The following PTPRE variants were observed in gnomAD, a reference collection of about 807,000 sequenced individuals.
PTPRE encodes protein tyrosine phosphatase receptor type E.
PTPRE carries 51 observed loss-of-function variants against 102.0 expected under a neutral mutation model. The observed-to-expected ratio is 0.50, with a 90% CI of 0.40 to 0.63. The LOEUF (loss-of-function observed/expected upper bound fraction) is 0.63. Ranked by LOEUF, PTPRE falls within the 30% of genes least tolerant of loss-of-function variation. PTPRE has a pLI of 0.00. For missense variants in PTPRE, 752 were observed against 915.1 expected (o/e 0.82, Z 2.30); for synonymous variants, 345 against 348.2 (o/e 0.99, Z 0.10).
rs115882057 is a variant in PTPRE at position 128,049,343 on chromosome 10, C to T, written c.284-187C>T. The stretch of plus-strand genomic sequence containing the variant: ...CCGTCACTTGTAAATGATGTGGATG[C>T]CTCACAGGAGGCGAGTGTTTGGATA... On this transcript the variant is annotated intron_variant, in intron 5 of 20. Coordinates refer to ENST00000254667, the MANE Select transcript of PTPRE (RefSeq NM_006504.6). Among the ~76,000 whole-genome samples, 985 of 152,230 alleles carry T rather than the reference C, an allele frequency of 6.5e-3. 12 individuals carry two copies. Among genetic ancestry groups the T allele is most frequent in the African/African-American group, 0.023 (955 of 41,542 alleles).
chr10:127,962,294 G>A lies in PTPRE; in HGVS notation c.-30-19980G>A, dbSNP rs376221165. ...AACCTGCGGGAAGGCTGGCACAGAC[G>A]GCATGTGAGTGCGGCACATGCCAGG... On this transcript the variant is annotated intron_variant, in intron 1 of 20. Coordinates refer to ENST00000254667, the MANE Select transcript of PTPRE (RefSeq NM_006504.6). Among the ~76,000 whole-genome samples the A allele has an allele frequency of 2.0e-4, 31 of 152,250 alleles. No homozygotes were observed. The South Asian group carries it at 5.4e-3, about 26-fold the overall frequency.
chr10:128,031,907 G>A (rs1846790136), intron 2 of PTPRE, among the ~76,000 whole-genome samples: 1 of 152,066 alleles, frequency 6.6e-6, no homozygotes, highest in Non-Finnish European at 1.5e-5. Flanking sequence ...CTCTCCAGGG[G>A]GCCGTATTTC....
chr10:127,962,535 G>T (rs893490170), intron 1 of PTPRE, among the ~76,000 whole-genome samples: 1 of 152,202 alleles, frequency 6.6e-6, no homozygotes, highest in Non-Finnish European at 1.5e-5. Context: ...GATGGAGTGT[G>T]CCCTGGTGAC....
intron 1 of PTPRE, among the ~76,000 whole-genome samples, chr10:127,945,496 A>G (rs1848560551): frequency 6.6e-6 from 1 of 152,204 alleles, no homozygotes; most frequent in African/African-American, 2.4e-5. Context: ...GTCACAAACA[A>G]TGAATGCCAT....
At chr10:128,071,960 G>C (rs1850807646) in intron 15 of PTPRE, 178 bp from the exon 16 acceptor site, 4 of 551,810 alleles carry the variant, frequency 7.2e-6, no homozygotes, top group Non-Finnish European at 9.6e-6. Context: ...CCTTCAAAAA[G>C]AAAAATACCC....
chr10:128,061,086 T>G, intron 8 of PTPRE, 71 bp downstream of exon 8: 7 of 1,462,630 alleles, frequency 4.8e-6, no homozygotes, highest in Non-Finnish European at 6.7e-6. Context: ...TCTTGTCTGG[T>G]GCCCGGAGTG....
At chr10:127,919,002 T>C (rs529571554) in intron 1 of PTPRE, among the ~76,000 whole-genome samples, 1 of 152,292 alleles carries the variant, frequency 6.6e-6, no homozygotes, top group Non-Finnish European at 1.5e-5. Context: ...GACAAGTCTA[T>C]TATAGGAGTT....
intron 2 of PTPRE, among the ~76,000 whole-genome samples, chr10:128,005,318 C>A (rs1420644307): frequency 6.6e-6 from 1 of 152,132 alleles, no homozygotes; most frequent in African/African-American, 2.4e-5. Flanking sequence ...CGTTCTCTTC[C>A]ACCCTTCCGT....
In PTPRE at chr10:128,066,195, G is replaced by A. The variant is rs1850073445; in HGVS notation, c.843+1G>A. 1.9e-6 allele frequency: 3 copies of A among 1,613,208 alleles called. No individual in the cohort carries two copies. The highest frequency in any genetic ancestry group is 1.7e-5 in the Admixed American group (1 of 59,980). ...CATCCGGAAGTTCTGCATACAGCCA[G>A]TAAGCATCTCTAGTTGCTGCCCTTC... On this transcript the variant is annotated splice_donor_variant, in intron 11 of 20. Coordinates refer to ENST00000254667, the MANE Select transcript of PTPRE (RefSeq NM_006504.6). LOFTEE classifies it high-confidence loss of function.
intron 6 of PTPRE, among the ~76,000 whole-genome samples, chr10:128,050,754 G>C (rs1848507433): frequency 6.6e-6 from 1 of 152,156 alleles, no homozygotes; most frequent in South Asian, 2.1e-4. Flanking sequence ...AATGGAGATG[G>C]GCCTGTCTTA....
chr10:127,986,414 A>T (rs1223866192), intron 2 of PTPRE, among the ~76,000 whole-genome samples: 1 of 152,222 alleles, frequency 6.6e-6, no homozygotes, highest in Non-Finnish European at 1.5e-5. Context: ...TTGAGGTCTT[A>T]TATTGTTATA....
At chr10:127,954,768 A>G (rs925314341) in intron 1 of PTPRE, among the ~76,000 whole-genome samples, 6 of 152,050 alleles carry the variant, frequency 3.9e-5, no homozygotes, top group African/African-American at 1.4e-4. Context: ...CGGGATTCAC[A>G]GGTCCAGGAA....
At position 128,077,798 on chromosome 10, in the gene PTPRE, C is replaced by G; in HGVS notation, c.1892+15C>G. On this transcript the variant is annotated intron_variant, in intron 19 of 20. Coordinates refer to ENST00000254667, the MANE Select transcript of PTPRE (RefSeq NM_006504.6). Reference sequence around the variant, plus strand: ...GTGCACTGCAGGTGAGCCCCCAGCCCGAAGCCCTCCAGGTGGGGTGGACAC... The same window carrying G: ...GTGCACTGCAGGTGAGCCCCCAGCCGGAAGCCCTCCAGGTGGGGTGGACAC... The G allele has an allele frequency of 3.8e-6, 6 of 1,575,180 alleles. No individual in the cohort carries two copies. Among genetic ancestry groups the G allele is most frequent in the Admixed American group, 1.7e-5 (1 of 58,814 alleles).
intron 1 of PTPRE, among the ~76,000 whole-genome samples, chr10:127,950,067 G>T (rs1848907651): frequency 6.6e-6 from 1 of 151,944 alleles, no homozygotes; most frequent in Non-Finnish European, 1.5e-5. Context: ...ACTGTAACTA[G>T]ACTGAAGTCC....
intron 1 of PTPRE, among the ~76,000 whole-genome samples, chr10:127,916,429 G>C (rs35141747): frequency 5.9e-5 from 9 of 152,086 alleles, no homozygotes; most frequent in Non-Finnish European, 1.0e-4. Context: ...ATGATTGTCA[G>C]TTTCCTGAGG....
chr10:128,046,637 G>C (rs1848113672), intron 3 of PTPRE, among the ~76,000 whole-genome samples: 1 of 152,162 alleles, frequency 6.6e-6, no homozygotes, highest in Non-Finnish European at 1.5e-5. Context: ...GCCAGCGGGG[G>C]AGGAGCAGGA....
At chr10:127,914,869 G>A (rs1846103489) in intron 1 of PTPRE, among the ~76,000 whole-genome samples, 1 of 152,152 alleles carries the variant, frequency 6.6e-6, no homozygotes, top group Admixed American at 6.5e-5. Flanking sequence ...GATTGACCCA[G>A]GACAATTTCA....
chr10:128,024,072 G>C (rs1377510107), intron 2 of PTPRE, among the ~76,000 whole-genome samples: 2 of 152,232 alleles, frequency 1.3e-5, no homozygotes, highest in Non-Finnish European at 2.9e-5. Flanking sequence ...GAAGAATTGT[G>C]AGACATTGTA....
At chr10:127,938,119 G>A (rs917105625) in intron 1 of PTPRE, among the ~76,000 whole-genome samples, 2 of 152,152 alleles carry the variant, frequency 1.3e-5, no homozygotes, top group Non-Finnish European at 2.9e-5. Context: ...GTGCTGCCAC[G>A]ACTGTGTGGA....
Sources: allele counts gnomAD v4.1 joint callset (sites outside exome capture counted in the v4.1 genomes callset), GRCh38; gene constraint gnomAD v4.1.1; transcripts MANE v1.5; gene names NCBI Gene and HGNC (gene_info 2026-07-23, HGNC 2026-07-21).